Variants in CCDC57 observed in about 807,000 individuals in gnomAD.
The protein encoded by CCDC57 is coiled-coil domain containing 57.
In CCDC57, 118 loss-of-function variants were observed where a neutral mutation model predicts 118.9. The observed-to-expected ratio is 0.99, with a 90% CI of 0.86 to 1.16. The LOEUF (loss-of-function observed/expected upper bound fraction) is 1.16. Ranked by LOEUF, CCDC57 falls within the 50% of genes most tolerant of loss-of-function variation. The probability of loss-of-function intolerance (pLI) is 0.00; values close to 1 mark genes in which losing one functional copy is unlikely to be tolerated. For missense variants in CCDC57, 1,300 were observed against 1,320.7 expected, an observed-to-expected ratio of 0.98 and a Z score of 0.24; for synonymous variants, 527 against 532.9, an observed-to-expected ratio of 0.99 and a Z score of 0.15.
rs1221678737 is a variant in CCDC57 at position 82,168,158 on chromosome 17, T to G, written c.1882+3543A>C. On this transcript the variant is annotated intron_variant, in intron 13 of 19. Transcript: ENST00000665763. ...TGAATGTATAATTATGGGTTGACAG[T>G]TTTTTGCTTTCAGTACTTGAAAAAT... is the stretch of plus-strand genomic sequence containing the variant. Among the ~76,000 whole-genome samples the G allele has an allele frequency of 2.6e-5, 4 of 152,204 alleles. No individual in the cohort carries two copies. In the East Asian group the frequency reaches 7.7e-4, roughly 29 times the overall value.
chr17:82,191,970 A>G (rs1403083857), intron 7 of CCDC57, among the ~76,000 whole-genome samples: 8 of 149,002 alleles, frequency 5.4e-5, no homozygotes, highest in Non-Finnish European at 1.5e-5. Flanking sequence ...GCCCAACCTA[A>G]TTCTACTTTT....
intron 18 of CCDC57, among the ~76,000 whole-genome samples, 188 bp downstream of exon 17, chr17:82,128,305 C>T (rs1346559017): frequency 7.9e-5 from 12 of 152,186 alleles, no homozygotes; most frequent in Admixed American, 7.2e-4. Flanking sequence ...ACACTCTTAC[C>T]ACCCTTGTGG....
chr17:82,150,527 C>T (rs1332694147), intron 16 of CCDC57, among the ~76,000 whole-genome samples: 1 of 98,778 alleles, frequency 1.0e-5, no homozygotes, highest in Admixed American at 1.1e-4. Context: ...ACACTCAGAA[C>T]CTGGTGCACA....
chr17:82,198,218 C>A, intron 4 of CCDC57, 96 bp downstream of exon 3: 3 of 708,822 alleles, frequency 4.2e-6, no homozygotes, highest in Non-Finnish European at 7.1e-6. Context: ...AGGCAATGAA[C>A]CAAATGGTTG....
At chr17:82,134,239 C>T (rs1463073904) in intron 16 of CCDC57, 45 bp from the exon 16 acceptor site, 2 of 1,272,106 alleles carry the variant, frequency 1.6e-6, no homozygotes, top group African/African-American at 3.1e-5. Flanking sequence ...TGCATCACTT[C>T]TGGATTCCTC....
intron 14 of CCDC57, 95 bp downstream of exon 13, chr17:82,163,095 GCCCGAGGTCA>G (rs1391242247): frequency 1.4e-6 from 2 of 1,394,236 alleles, no homozygotes; most frequent in Admixed American, 1.9e-5. Flanking sequence ...GTCAGTGGAT[GCCCGAGGTCA>G]CCTGGGGTCG....
At chr17:82,188,099 G>T in intron 8 of CCDC57, 120 bp downstream of exon 7, 2 of 695,714 alleles carry the variant, frequency 2.9e-6, no homozygotes, top group Non-Finnish European at 4.4e-6. Flanking sequence ...GAGAGCTACA[G>T]AAGCCACTCT....
At chr17:82,194,319 T>TTC in intron 5 of CCDC57, 180 bp from the exon 5 acceptor site, 18 of 649,954 alleles carry the variant, frequency 2.8e-5, no homozygotes, top group South Asian at 4.6e-5. Flanking sequence ...CTTTTTTTTT[T>TTC]TTCTTTTTGG....
chr17:82,147,108 G>A (rs763264789), intron 16 of CCDC57, among the ~76,000 whole-genome samples: 4 of 152,138 alleles, frequency 2.6e-5, no homozygotes, highest in Non-Finnish European at 4.4e-5. Flanking sequence ...ATGGATGGTA[G>A]GTGGATGAGT....
At chr17:82,171,931 G>T in intron 12 of CCDC57, 78 bp from the exon 12 acceptor site, 1 of 1,494,480 alleles carries the variant, frequency 6.7e-7, no homozygotes, top group Non-Finnish European at 9.2e-7. Context: ...ACCAGCTCAG[G>T]GAGCCGATGC....
chr17:82,212,443 T>C lies in CCDC57; in HGVS notation c.-211+342A>G, dbSNP rs941641152. 1.4e-5 allele frequency among the ~76,000 whole-genome samples: 2 copies of C among 146,700 alleles called. No homozygotes were observed. The highest frequency in any genetic ancestry group is 2.5e-5 in the African/African-American group (1 of 39,602). On this transcript the variant is annotated intron_variant, in intron 1 of 19. Coordinates refer to ENST00000665763, the Ensembl canonical transcript of CCDC57. This position sits in a 1 kb window ranked among gnomAD's most constrained non-coding sequence, Gnocchi z 4.1. The stretch of plus-strand genomic sequence containing the variant: ...AACTCACAGACACTGTAAGGCTGCC[T>C]GGGCGCGGAGCCGTCCTTGCCGGCG...
chr17:82,141,848 T>C (rs1169545055), intron 16 of CCDC57, among the ~76,000 whole-genome samples: 1 of 152,174 alleles, frequency 6.6e-6, no homozygotes, highest in Admixed American at 6.5e-5. Flanking sequence ...AAAAATGAGC[T>C]TCCGTAGAAA....
At chr17:82,103,288 C>A (rs2034593519) in intron 19 of CCDC57, among the ~76,000 whole-genome samples, 1 of 129,234 alleles carries the variant, frequency 7.7e-6, no homozygotes, top group Admixed American at 7.5e-5. Context: ...TTTCCTGCAG[C>A]CCCGTTGGGG....
intron 14 of CCDC57, among the ~76,000 whole-genome samples, chr17:82,159,459 T>C (rs8071425): frequency 0.47 from 70,858 of 151,734 alleles, 17,319 homozygotes; most frequent in East Asian, 0.88. Context: ...GATCTTCAAC[T>C]GCCTCGACAG....
At chr17:82,157,946 C>T (rs1378875843) in exon 15 of CCDC57, 1 of 1,552,748 alleles carries the variant, frequency 6.4e-7, no homozygotes, top group Non-Finnish European at 8.7e-7. Context: ...GTTCCCGCAG[C>T]ACCTAGGGGT....
At chr17:82,190,638 C>A (rs1486580221) in intron 7 of CCDC57, among the ~76,000 whole-genome samples, 2 of 141,798 alleles carry the variant, frequency 1.4e-5, no homozygotes, top group African/African-American at 2.7e-5. Flanking sequence ...GAGGTTGCAG[C>A]GAGCTGAGAT....
At chr17:82,113,508 G>A (rs1470827381) in intron 19 of CCDC57, 1 of 717,600 alleles carries the variant, frequency 1.4e-6, no homozygotes, top group South Asian at 1.5e-5. Context: ...TGCTGTGATG[G>A]TGACCAGTGA....
At chr17:82,127,564 C>T in intron 19 of CCDC57, 128 bp downstream of exon 18, 1 of 1,449,624 alleles carries the variant, frequency 6.9e-7, no homozygotes, top group Non-Finnish European at 9.1e-7. Context: ...ATGCATTACT[C>T]AACCAAAGTG....
chr17:82,105,833 T>TG (rs1259745852), intron 19 of CCDC57, among the ~76,000 whole-genome samples: 1 of 152,186 alleles, frequency 6.6e-6, no homozygotes, highest in Non-Finnish European at 1.5e-5. Context: ...ACTGGGCAGA[T>TG]GCACAAGAGG....
Sources: gnomAD v4.1 joint callset for allele counts (sites outside exome capture counted in the v4.1 genomes callset) on GRCh38, gnomAD v4.1.1 for gene constraint, Gnocchi (gnomAD v3.1) non-coding constraint, MANE v1.5 for transcripts, NCBI Gene and HGNC (gene_info 2026-07-23, HGNC 2026-07-21) for gene names.